GALNTL6: variants seen among roughly 807,000 people sequenced by gnomAD.
GALNTL6 encodes the protein polypeptide N-acetylgalactosaminyltransferase-like 6.
A neutral mutation model predicts 73.7 loss-of-function variants in GALNTL6; 46 were observed. That is an observed-to-expected ratio of 0.62 (90% CI 0.49 to 0.80). The LOEUF (loss-of-function observed/expected upper bound fraction) is 0.80. Ranked by LOEUF, GALNTL6 falls within the 30% of genes least tolerant of loss-of-function variation. The pLI, the probability that GALNTL6 is intolerant of heterozygous loss-of-function variation, is 0.00. For synonymous variants in GALNTL6, 259 were observed against 263.7 expected (o/e 0.98, Z 0.17); for missense variants, 604 against 755.0 (o/e 0.80, Z 2.34).
At chr4:172,321,221 C>A (rs1345381028) in intron 4 of GALNTL6, among the ~76,000 whole-genome samples, 1 of 152,096 alleles carries the variant, frequency 6.6e-6, no homozygotes, top group Non-Finnish European at 1.5e-5. Flanking sequence ...GGTCGTGGAA[C>A]ATATCCCCCA....
chr4:172,838,772 C>T (rs987828456), intron 7 of GALNTL6, among the ~76,000 whole-genome samples: 7 of 152,176 alleles, frequency 4.6e-5, no homozygotes, highest in Non-Finnish European at 7.3e-5. Context: ...AAAGACTCCA[C>T]TCGACAGCCT....
intron 2 of GALNTL6, among the ~76,000 whole-genome samples, chr4:172,096,180 T>C (rs1732351863): frequency 6.6e-6 from 1 of 151,908 alleles, no homozygotes; most frequent in South Asian, 2.1e-4. Flanking sequence ...CATAGCTCAC[T>C]GCAGCCTTGA....
chr4:172,754,843 CA>C (rs56376727), intron 5 of GALNTL6, among the ~76,000 whole-genome samples: 60,778 of 128,800 alleles, frequency 0.47, 14,974 homozygotes, highest in East Asian at 0.67. Context: ...TCACTTCCAC[CA>C]AAAAAAAAAA....
At chr4:172,909,449 TCAA>T (rs1747083845) in intron 8 of GALNTL6, among the ~76,000 whole-genome samples, 1 of 151,894 alleles carries the variant, frequency 6.6e-6, no homozygotes. Context: ...CTCTCATAAA[TCAA>T]CAAGATTAAG....
At chr4:172,773,394 T>G (rs1738889297) in intron 5 of GALNTL6, among the ~76,000 whole-genome samples, 1 of 152,120 alleles carries the variant, frequency 6.6e-6, no homozygotes, top group African/African-American at 2.4e-5. Context: ...TAAGGTCTCG[T>G]AAGGTATGTG....
intron 3 of GALNTL6, among the ~76,000 whole-genome samples, chr4:172,234,914 T>G (rs1207844707): frequency 6.6e-6 from 1 of 152,174 alleles, no homozygotes; most frequent in Non-Finnish European, 1.5e-5. Context: ...GATGAAGCTC[T>G]GTTGACCTGA....
At chr4:172,420,257 C>A (rs950794285) in intron 5 of GALNTL6, among the ~76,000 whole-genome samples, 2 of 152,156 alleles carry the variant, frequency 1.3e-5, no homozygotes, top group South Asian at 4.1e-4. Flanking sequence ...TTTCAGCTTA[C>A]ATTGTTAAGA....
intron 2 of GALNTL6, among the ~76,000 whole-genome samples, chr4:171,942,490 T>C (rs2111016014): frequency 6.6e-6 from 1 of 152,260 alleles, no homozygotes; most frequent in African/African-American, 2.4e-5. Context: ...TCTAATACAA[T>C]AATACACAAA....
intron 3 of GALNTL6, among the ~76,000 whole-genome samples, chr4:172,274,038 A>ATT (rs201079986): frequency 0.12 from 18,861 of 152,088 alleles, 1,226 homozygotes; most frequent in East Asian, 0.3. Context: ...AACGTATATG[A>ATT]ACCTATTTAT....
intron 5 of GALNTL6, among the ~76,000 whole-genome samples, chr4:172,714,477 T>C (rs1734934864): frequency 6.6e-6 from 1 of 152,134 alleles, no homozygotes. Context: ...AAGGCTTCAA[T>C]ACAGGCAGCC....
intron 7 of GALNTL6, among the ~76,000 whole-genome samples, chr4:172,853,417 A>G (rs1743944313): frequency 6.6e-6 from 1 of 152,132 alleles, no homozygotes; most frequent in Non-Finnish European, 1.5e-5. Context: ...TATCAACATC[A>G]CTGTATCCTC....
chr4:172,126,184 T>C (rs893048868), intron 2 of GALNTL6, among the ~76,000 whole-genome samples: 9 of 152,202 alleles, frequency 5.9e-5, no homozygotes, highest in Non-Finnish European at 1.5e-5. Flanking sequence ...CAAATATATA[T>C]AGTTTTTCTA....
At chr4:172,558,324 T>C (rs1024671652) in intron 5 of GALNTL6, among the ~76,000 whole-genome samples, 13 of 152,172 alleles carry the variant, frequency 8.5e-5, no homozygotes, top group African/African-American at 3.1e-4. Flanking sequence ...ATGAACTGAA[T>C]TGTGTTCCTG....
At chr4:172,475,847 T>C (rs933388129) in intron 5 of GALNTL6, among the ~76,000 whole-genome samples, 1 of 152,262 alleles carries the variant, frequency 6.6e-6, no homozygotes, top group Admixed American at 6.5e-5. Flanking sequence ...AGTTTTAGTT[T>C]AAGGCCTCTG....
At chr4:172,295,809 A>G (rs1285152203) in intron 3 of GALNTL6, among the ~76,000 whole-genome samples, 1 of 152,012 alleles carries the variant, frequency 6.6e-6, no homozygotes, top group Non-Finnish European at 1.5e-5. Flanking sequence ...ACAGAAATAT[A>G]TAGATCATCA....
chr4:172,371,506 T>G (rs1742807856), intron 5 of GALNTL6, among the ~76,000 whole-genome samples: 1 of 152,214 alleles, frequency 6.6e-6, no homozygotes. Flanking sequence ...GGTACACTGT[T>G]TTTTCTTTAC....
At chr4:172,990,333 G>A (rs1166134240) in intron 10 of GALNTL6, among the ~76,000 whole-genome samples, 2 of 152,084 alleles carry the variant, frequency 1.3e-5, no homozygotes, top group East Asian at 3.8e-4. Context: ...TTTAATTTTT[G>A]TTCATAGGAG....
At chr4:172,035,420 C>T (rs1014917231) in intron 2 of GALNTL6, among the ~76,000 whole-genome samples, 2 of 152,004 alleles carry the variant, frequency 1.3e-5, no homozygotes, top group Middle Eastern at 3.4e-3. Context: ...TATTCCTGGC[C>T]TATTACTAAC....
intron 9 of GALNTL6, among the ~76,000 whole-genome samples, chr4:172,936,113 A>G (rs923229525): frequency 1.3e-5 from 2 of 152,222 alleles, no homozygotes; most frequent in African/African-American, 4.8e-5. Flanking sequence ...CCTGGGATGC[A>G]AGGCTGCTCA....
Sources: allele counts gnomAD v4.1 joint callset (sites outside exome capture counted in the v4.1 genomes callset), GRCh38; gene constraint gnomAD v4.1.1; transcripts MANE v1.5; gene names NCBI Gene and HGNC (gene_info 2026-07-23, HGNC 2026-07-21).